GALNTL6: variants seen among roughly 807,000 people sequenced by gnomAD.
GALNTL6 encodes the protein polypeptide N-acetylgalactosaminyltransferase like 6, also known as polypeptide N-acetylgalactosaminyltransferase-like 6.
Under a neutral mutation model 73.7 loss-of-function variants are expected in GALNTL6, and 46 were observed. That is an observed-to-expected ratio of 0.62 (90% confidence interval 0.49 to 0.80). GALNTL6 has a LOEUF of 0.80. Among genes scored for constraint, GALNTL6 ranks in the 30% least tolerant of loss-of-function variants. The pLI is 0.00. For synonymous variants in GALNTL6, 259 were observed against 263.7 expected (o/e 0.98, Z 0.17); for missense variants, 604 against 755.0 (o/e 0.80, Z 2.34).
At chr4:171,847,456 T>G (rs1735404175) in intron 2 of GALNTL6, among the ~76,000 whole-genome samples, 1 of 152,182 alleles carries the variant, frequency 6.6e-6, no homozygotes, top group African/African-American at 2.4e-5. Context: ...GTCAATTTCT[T>G]AGAATAAGAC....
At chr4:172,341,545 A>G (rs539753685) in intron 4 of GALNTL6, among the ~76,000 whole-genome samples, 8 of 151,970 alleles carry the variant, frequency 5.3e-5, no homozygotes, top group Non-Finnish European at 1.0e-4. Flanking sequence ...TGTAGCTCCC[A>G]TAATTCCCAC....
At chr4:172,627,148 A>G (rs1739200391) in intron 5 of GALNTL6, among the ~76,000 whole-genome samples, 1 of 152,006 alleles carries the variant, frequency 6.6e-6, no homozygotes, top group Non-Finnish European at 1.5e-5. Flanking sequence ...TAGATGACTC[A>G]TTATTCTGAG....
intron 5 of GALNTL6, among the ~76,000 whole-genome samples, chr4:172,388,689 A>T (rs1273453277): frequency 6.6e-6 from 1 of 152,094 alleles, no homozygotes; most frequent in Non-Finnish European, 1.5e-5. Flanking sequence ...ATTCATATTC[A>T]TCTGTTAAAA....
intron 5 of GALNTL6, among the ~76,000 whole-genome samples, chr4:172,746,502 C>T (rs1290021891): frequency 6.6e-6 from 1 of 151,944 alleles, no homozygotes; most frequent in East Asian, 1.9e-4. Context: ...CTCAATGTTT[C>T]TAAGTCTCCA....
chr4:172,058,489 T>C (rs1052458527), intron 2 of GALNTL6, among the ~76,000 whole-genome samples: 3 of 152,256 alleles, frequency 2.0e-5, no homozygotes, highest in Admixed American at 6.5e-5. Flanking sequence ...GGTTGTATTT[T>C]ATTTTCACCT....
chr4:172,503,526 G>GTGTATATATATATATATATA (rs1307566035), intron 5 of GALNTL6, among the ~76,000 whole-genome samples: 1 of 85,934 alleles, frequency 1.2e-5, no homozygotes, highest in Non-Finnish European at 2.4e-5. Context: ...ACATAGAGTA[G>GTGTATATATATATATATATA]TATATATATA....
At chr4:172,766,715 C>G (rs1162524352) in intron 5 of GALNTL6, among the ~76,000 whole-genome samples, 2 of 152,126 alleles carry the variant, frequency 1.3e-5, no homozygotes, top group African/African-American at 4.8e-5. Context: ...GCAATTGTTG[C>G]TGGTCTAGAG....
intron 4 of GALNTL6, among the ~76,000 whole-genome samples, chr4:172,338,572 G>A (rs6814126): frequency 0.019 from 2,827 of 152,170 alleles, 78 homozygotes; most frequent in African/African-American, 0.063. Flanking sequence ...TTTATATTGG[G>A]CCATGCAGTT....
At chr4:172,446,725 A>G (rs753425697) in intron 5 of GALNTL6, among the ~76,000 whole-genome samples, 62 of 152,170 alleles carry the variant, frequency 4.1e-4, no homozygotes, top group Admixed American at 3.9e-4. Context: ...ATTTAAAGCT[A>G]CATAGTCTTG....
chr4:172,455,508 C>A (rs992780385), intron 5 of GALNTL6, among the ~76,000 whole-genome samples: 1 of 152,126 alleles, frequency 6.6e-6, no homozygotes, highest in Admixed American at 6.6e-5. Context: ...CTGGGACACT[C>A]GAGCTTGGGT....
intron 2 of GALNTL6, among the ~76,000 whole-genome samples, chr4:172,040,792 T>C (rs1742066866): frequency 1.3e-5 from 2 of 152,224 alleles, no homozygotes; most frequent in South Asian, 4.1e-4. Flanking sequence ...TTGCATGCAT[T>C]GCTTTCACAC....
At chr4:172,459,426 C>G (rs778915920) in intron 5 of GALNTL6, among the ~76,000 whole-genome samples, 1 of 152,170 alleles carries the variant, frequency 6.6e-6, no homozygotes, top group Non-Finnish European at 1.5e-5. Flanking sequence ...GTCAAATTGC[C>G]TCTGTATGCA....
chr4:172,954,391 T>C (rs1486762376), intron 10 of GALNTL6, among the ~76,000 whole-genome samples: 1 of 152,190 alleles, frequency 6.6e-6, no homozygotes, highest in African/African-American at 2.4e-5. Context: ...CCTCATACTT[T>C]TACAACACTT....
At chr4:172,659,651 T>C (rs1310810178) in intron 5 of GALNTL6, among the ~76,000 whole-genome samples, 1 of 152,176 alleles carries the variant, frequency 6.6e-6, no homozygotes, top group Admixed American at 6.5e-5. Flanking sequence ...TAGGCCATAG[T>C]CTGCAGTTAT....
At chr4:172,702,907 G>A (rs1675013350) in intron 5 of GALNTL6, among the ~76,000 whole-genome samples, 1 of 151,686 alleles carries the variant, frequency 6.6e-6, no homozygotes, top group African/African-American at 2.4e-5. Context: ...ACATGCAATT[G>A]ACTTTTCTAT....
chr4:172,372,871 G>T (rs1300093216), intron 5 of GALNTL6, among the ~76,000 whole-genome samples: 3 of 152,128 alleles, frequency 2.0e-5, no homozygotes, highest in Non-Finnish European at 4.4e-5. Context: ...TAATGTCTTA[G>T]GGCAAGGATA....
At chr4:172,311,872 G>T in intron 4 of GALNTL6, 120 bp downstream of exon 4, 1 of 684,836 alleles carries the variant, frequency 1.5e-6, no homozygotes, top group Non-Finnish European at 2.3e-6. Flanking sequence ...TAATAATTTT[G>T]ATAAAAACTC....
chr4:172,835,241 A>G (rs542514755), intron 7 of GALNTL6, among the ~76,000 whole-genome samples: 1 of 152,358 alleles, frequency 6.6e-6, no homozygotes, highest in South Asian at 2.1e-4. Flanking sequence ...AGGGAGGAGC[A>G]TGTTCACAAA....
At chr4:172,886,609 C>G (rs955999960) in intron 8 of GALNTL6, among the ~76,000 whole-genome samples, 6 of 152,050 alleles carry the variant, frequency 3.9e-5, no homozygotes, top group African/African-American at 1.2e-4. Context: ...ACTAAACATA[C>G]AAAATTAGTT....
Sources: allele counts gnomAD v4.1 joint callset (sites outside exome capture counted in the v4.1 genomes callset), GRCh38; gene constraint gnomAD v4.1.1; transcripts MANE v1.5; gene names NCBI Gene and HGNC (gene_info 2026-07-23, HGNC 2026-07-21).